Variants in POFUT3 observed in about 807,000 individuals in gnomAD.
POFUT3 encodes the protein protein O-fucosyltransferase 3, also known as GDP-fucose protein O-fucosyltransferase 3.
At chr8:33,417,161 C>T in the POFUT3 span, among the ~76,000 whole-genome samples, 19 of 152,312 alleles carry the variant, frequency 1.2e-4, no homozygotes, top group South Asian at 1.7e-3. Context: ...CTGTGAACTG[C>T]GCATGCAAGG....
At chr8:33,335,496 T>C in the POFUT3 span, among the ~76,000 whole-genome samples, 3 of 152,306 alleles carry the variant, frequency 2.0e-5, no homozygotes, top group South Asian at 2.1e-4. Flanking sequence ...CAAAGATATA[T>C]GTTAGAACTT....
chr8:33,410,079 G>A, the POFUT3 span, among the ~76,000 whole-genome samples: 1 of 152,204 alleles, frequency 6.6e-6, no homozygotes, highest in Non-Finnish European at 1.5e-5. Flanking sequence ...ATAAAGATGT[G>A]TGAAGTGGCT....
the POFUT3 span, among the ~76,000 whole-genome samples, chr8:33,398,244 T>C: frequency 6.6e-6 from 1 of 152,196 alleles, no homozygotes; most frequent in Non-Finnish European, 1.5e-5. Context: ...ATCATCAACA[T>C]TGTCAAGCTT....
chr8:33,463,294 A>G, the POFUT3 span, among the ~76,000 whole-genome samples: 87,077 of 151,892 alleles, frequency 0.57, 25,176 homozygotes, highest in Non-Finnish European at 0.59. Context: ...CACTTAAGGC[A>G]AGGAGTTCAA....
chr8:33,408,307 C>T, the POFUT3 span, among the ~76,000 whole-genome samples: 6 of 148,168 alleles, frequency 4.0e-5, no homozygotes, highest in African/African-American at 1.5e-4. Flanking sequence ...GAGACTCTGT[C>T]TCTTAAAAAA....
At chr8:33,453,600 C>A in the POFUT3 span, 2 of 1,098,204 alleles carry the variant, frequency 1.8e-6, no homozygotes, top group Non-Finnish European at 2.6e-6. Context: ...GCCCCTGACT[C>A]GTTTTCAATT....
chr8:33,446,271 G>T, the POFUT3 span, among the ~76,000 whole-genome samples: 1 of 151,898 alleles, frequency 6.6e-6, no homozygotes, highest in African/African-American at 2.4e-5. Flanking sequence ...AGCCTGGCCA[G>T]CATGGTGAAA....
the POFUT3 span, among the ~76,000 whole-genome samples, chr8:33,457,060 T>C: frequency 6.6e-6 from 1 of 151,426 alleles, no homozygotes; most frequent in African/African-American, 2.4e-5. Context: ...TAAGCCACCA[T>C]GCCCGGCCAA....
the POFUT3 span, among the ~76,000 whole-genome samples, chr8:33,339,766 T>A: frequency 6.6e-6 from 1 of 152,090 alleles, no homozygotes; most frequent in Non-Finnish European, 1.5e-5. Flanking sequence ...AGAAATGACA[T>A]GATATTTTCA....
the POFUT3 span, among the ~76,000 whole-genome samples, chr8:33,319,710 AT>A: frequency 1.4e-5 from 1 of 73,460 alleles, no homozygotes; most frequent in Non-Finnish European, 2.2e-5. Flanking sequence ...TTTTATATAT[AT>A]TTATATAATA....
At chr8:33,389,167 G>A in the POFUT3 span, 361,762 of 1,613,720 alleles carry the variant, frequency 0.22, 44,887 homozygotes, top group South Asian at 0.45. Context: ...GTCGTCTGAT[G>A]TAACTTGCCA....
chr8:33,377,440 A>T, the POFUT3 span: 1 of 152,226 alleles, frequency 6.6e-6, no homozygotes, highest in Non-Finnish European at 1.5e-5. Flanking sequence ...TGGTAATTGT[A>T]CAGATCACAT....
At chr8:33,367,277 C>A in the POFUT3 span, among the ~76,000 whole-genome samples, 1 of 152,188 alleles carries the variant, frequency 6.6e-6, no homozygotes, top group Non-Finnish European at 1.5e-5. Flanking sequence ...GGGCAGAAAA[C>A]CGCTTAAAGG....
At chr8:33,453,774 C>T in the POFUT3 span, among the ~76,000 whole-genome samples, 1 of 151,860 alleles carries the variant, frequency 6.6e-6, no homozygotes, top group East Asian at 1.9e-4. Context: ...AGTGAAACCC[C>T]GACTCTACTA....
the POFUT3 span, among the ~76,000 whole-genome samples, chr8:33,425,920 G>A: frequency 5.6e-5 from 8 of 144,068 alleles, no homozygotes; most frequent in African/African-American, 1.8e-4. Flanking sequence ...AAAAAAAAAA[G>A]ATTAGTGAAT....
the POFUT3 span, among the ~76,000 whole-genome samples, chr8:33,321,166 A>G: frequency 6.6e-6 from 1 of 152,136 alleles, no homozygotes; most frequent in Non-Finnish European, 1.5e-5. Context: ...AGGTAAGAAT[A>G]GGCTAAGTAT....
chr8:33,451,399 TAC>T, the POFUT3 span, among the ~76,000 whole-genome samples: 9 of 152,212 alleles, frequency 5.9e-5, no homozygotes, highest in East Asian at 1.7e-3. Flanking sequence ...TGTATGTATA[TAC>T]ATGTGTACAT....
At chr8:33,465,007 T>C in the POFUT3 span, among the ~76,000 whole-genome samples, 1 of 152,174 alleles carries the variant, frequency 6.6e-6, no homozygotes, top group Non-Finnish European at 1.5e-5. Context: ...AGCTAGCACT[T>C]TGGGTCCCAA....
the POFUT3 span, among the ~76,000 whole-genome samples, chr8:33,433,515 G>C: frequency 1.3e-5 from 2 of 152,150 alleles, no homozygotes; most frequent in Non-Finnish European, 2.9e-5. Context: ...AGGAGGCTGA[G>C]GCAGGAGAAT....
Sources: allele counts gnomAD v4.1 joint callset (sites outside exome capture counted in the v4.1 genomes callset), GRCh38; gene constraint gnomAD v4.1.1; transcripts MANE v1.5; gene names NCBI Gene and HGNC (gene_info 2026-07-23, HGNC 2026-07-21).